Variants in PDSS2 observed in about 807,000 individuals in gnomAD.
The protein encoded by PDSS2 is decaprenyl diphosphate synthase subunit 2.
A neutral mutation model predicts 44.5 loss-of-function variants in PDSS2; 31 were observed. The observed-to-expected ratio is 0.70, with a 90% CI of 0.52 to 0.94. The LOEUF (loss-of-function observed/expected upper bound fraction) is 0.94. Ranked by LOEUF, PDSS2 falls within the 40% of genes least tolerant of loss-of-function variation. The pLI is 0.00. For missense variants in PDSS2, 452 were observed against 482.2 expected (o/e 0.94, Z 0.59); for synonymous variants, 157 against 180.3 (o/e 0.87, Z 1.03).
intron 1 of PDSS2, among the ~76,000 whole-genome samples, chr6:107,383,298 CAAAAAA>C (rs35910650): frequency 1.5e-3 from 44 of 28,430 alleles, no homozygotes; most frequent in African/African-American, 4.1e-3. Context: ...GACTCCATCT[CAAAAAA>C]AAAAAAAAAA....
intron 2 of PDSS2, among the ~76,000 whole-genome samples, chr6:107,312,499 C>A (rs1777075208): frequency 6.6e-6 from 1 of 152,150 alleles, no homozygotes; most frequent in East Asian, 1.9e-4. Flanking sequence ...CAAATTACTT[C>A]ACCTCTGTGT....
intron 2 of PDSS2, among the ~76,000 whole-genome samples, chr6:107,327,919 T>C (rs78394231): frequency 0.068 from 10,298 of 152,370 alleles, 494 homozygotes; most frequent in Non-Finnish European, 0.1. Flanking sequence ...CTTTAAGTCA[T>C]CGTCCATGTT....
chr6:107,380,527 T>C (rs1325236281), intron 1 of PDSS2, among the ~76,000 whole-genome samples: 2 of 152,210 alleles, frequency 1.3e-5, no homozygotes, highest in African/African-American at 2.4e-5. Flanking sequence ...AGGGGATTTT[T>C]CCCAGATCTT....
At chr6:107,210,600 G>C (rs1358313361) in intron 5 of PDSS2, 30 bp from the exon 6 acceptor site, 1 of 1,443,208 alleles carries the variant, frequency 6.9e-7, no homozygotes, top group Non-Finnish European at 9.7e-7. Flanking sequence ...GAGTAAATTA[G>C]TGAAATGTAT....
intron 4 of PDSS2, among the ~76,000 whole-genome samples, chr6:107,234,384 T>C (rs1774158282): frequency 6.6e-6 from 1 of 152,064 alleles, no homozygotes; most frequent in Non-Finnish European, 1.5e-5. Context: ...TTTGTATTTT[T>C]AGTAGCGACG....
At chr6:107,272,578 T>C (rs765631374) in intron 3 of PDSS2, among the ~76,000 whole-genome samples, 28 of 152,232 alleles carry the variant, frequency 1.8e-4, no homozygotes, top group Admixed American at 1.0e-3. Flanking sequence ...AAAAAATACA[T>C]TCCTATCTTA....
At chr6:107,223,221 G>A (rs1404410319) in intron 4 of PDSS2, among the ~76,000 whole-genome samples, 6 of 150,654 alleles carry the variant, frequency 4.0e-5, no homozygotes, top group East Asian at 2.0e-4. Flanking sequence ...GAACCACTGC[G>A]CTCTACAAAC....
chr6:107,451,690 C>G (rs562407968), intron 1 of PDSS2, among the ~76,000 whole-genome samples: 21 of 152,302 alleles, frequency 1.4e-4, no homozygotes, highest in Admixed American at 5.9e-4. Flanking sequence ...TCCTCATGCC[C>G]TCACCTGTTT....
intron 7 of PDSS2, among the ~76,000 whole-genome samples, chr6:107,157,933 A>G (rs562879813): frequency 6.6e-6 from 1 of 152,042 alleles, no homozygotes; most frequent in South Asian, 2.1e-4. Context: ...GGCCTCCCAA[A>G]GTGCTGGGAT....
At chr6:107,274,764 C>T (rs1325971478) in intron 2 of PDSS2, among the ~76,000 whole-genome samples, 1 of 151,492 alleles carries the variant, frequency 6.6e-6, no homozygotes, top group Non-Finnish European at 1.5e-5. Flanking sequence ...CCTCCACCTC[C>T]CAGGCTCAAA....
intron 7 of PDSS2, among the ~76,000 whole-genome samples, chr6:107,165,078 G>A (rs1349663409): frequency 1.3e-5 from 2 of 152,290 alleles, no homozygotes; most frequent in East Asian, 3.9e-4. Context: ...TTTGTCAGAT[G>A]AGTAGATTGG....
chr6:107,393,318 T>C (rs146141034), intron 1 of PDSS2, among the ~76,000 whole-genome samples: 3 of 152,304 alleles, frequency 2.0e-5, no homozygotes, highest in Non-Finnish European at 2.9e-5. Context: ...TTTCCAGATA[T>C]CTATTATAGT....
At chr6:107,220,802 A>T (rs1204981481) in intron 4 of PDSS2, among the ~76,000 whole-genome samples, 3 of 152,200 alleles carry the variant, frequency 2.0e-5, no homozygotes, top group Non-Finnish European at 4.4e-5. Flanking sequence ...AGTTAATCAG[A>T]AATTTTATTC....
chr6:107,398,775 G>T (rs996114778), intron 1 of PDSS2, among the ~76,000 whole-genome samples: 1 of 152,054 alleles, frequency 6.6e-6, no homozygotes, highest in African/African-American at 2.4e-5. Context: ...CTTTTCCTGC[G>T]TGGGCTCCCC....
At chr6:107,168,799 T>A (rs1205896352) in intron 7 of PDSS2, among the ~76,000 whole-genome samples, 1 of 152,172 alleles carries the variant, frequency 6.6e-6, no homozygotes, top group Non-Finnish European at 1.5e-5. Flanking sequence ...ATGTTGAATA[T>A]TGCCCCCCAC....
At chr6:107,201,444 A>C (rs1367773916) in intron 6 of PDSS2, among the ~76,000 whole-genome samples, 2 of 151,692 alleles carry the variant, frequency 1.3e-5, no homozygotes. Flanking sequence ...GGATGCACAA[A>C]GGAATTAATT....
In PDSS2 at chr6:107,353,027, A is replaced by G. The variant is rs1382574; in HGVS notation, c.297-18695T>C. On this transcript the variant is annotated intron_variant, in intron 1 of 7. Transcript: ENST00000369037. ...GTCACAAACTATGTGCTCAATATGC[A>G]CTAGTTATTACTATTATCAGAATTA... Among the ~76,000 whole-genome samples the G allele has an allele frequency of 6.9e-3, 1,051 of 152,298 alleles. 8 individuals carry two copies. Among genetic ancestry groups the G allele is most frequent in the African/African-American group, 0.024 (989 of 41,568 alleles).
At position 107,305,810 on chromosome 6, in the gene PDSS2, C is replaced by T. The variant is rs147678169; in HGVS notation, c.431+28388G>A. Among the ~76,000 whole-genome samples the T allele has an allele frequency of 8.4e-4, 127 of 152,016 alleles. 2 individuals are homozygous for T. The East Asian group carries it at 0.024, about 29-fold the overall frequency. On this transcript the variant is annotated intron_variant, in intron 2 of 7. Coordinates refer to ENST00000369037, the MANE Select transcript of PDSS2 (RefSeq NM_020381.4). ...AAGTACCTCTTATGTGGAAGGTACCCCAGAACATTGGGAATACAGAGTAGA... is the reference window on the plus strand; with the variant it reads ...AAGTACCTCTTATGTGGAAGGTACCTCAGAACATTGGGAATACAGAGTAGA...
rs113184589 is a variant in PDSS2 at position 107,210,348 on chromosome 6, T to C, written c.1008+91A>G. On this transcript the variant is annotated intron_variant, in intron 6 of 7. Transcript: ENST00000369037. Reference sequence around the variant, plus strand: ...GTTACGTGAATATGCCTAAGGCTCATCTATAGCCATATATCACCAAGAAAT... The same window carrying C: ...GTTACGTGAATATGCCTAAGGCTCACCTATAGCCATATATCACCAAGAAAT... 554 of 954,092 alleles carry C rather than the reference T, an allele frequency of 5.8e-4. 6 individuals are homozygous for C. In the African/African-American group the frequency reaches 6.2e-3, roughly 11 times the overall value. 59.1% of individuals were successfully genotyped at this position (954,092 alleles called of 1,614,324 possible). A position where few individuals can be genotyped will look rare whatever the true frequency, so the allele number is the denominator to read the frequency against.
Sources: gnomAD v4.1 joint callset for allele counts (sites outside exome capture counted in the v4.1 genomes callset) on GRCh38, gnomAD v4.1.1 for gene constraint, MANE v1.5 for transcripts, NCBI Gene and HGNC (gene_info 2026-07-23, HGNC 2026-07-21) for gene names.